GLDC: variants seen among roughly 807,000 people sequenced by gnomAD.
GLDC encodes glycine dehydrogenase (decarboxylating), mitochondrial.
GLDC carries 104 observed loss-of-function variants against 121.3 expected under a neutral mutation model. That is an observed-to-expected ratio of 0.86 (90% CI 0.73 to 1.01). The LOEUF (loss-of-function observed/expected upper bound fraction) is 1.01, where lower values mean the gene tolerates loss of function less well. GLDC is among the 50% of genes least tolerant of loss of function. GLDC has a pLI of 0.00. For synonymous variants in GLDC, 546 were observed against 480.6 expected, an observed-to-expected ratio of 1.14 and a Z score of -1.78; for missense variants, 1,429 against 1,306.6, an observed-to-expected ratio of 1.09 and a Z score of -1.44.
chr9:6,641,798 A>G (rs762219079), intron 2 of GLDC, among the ~76,000 whole-genome samples: 3 of 152,190 alleles, frequency 2.0e-5, no homozygotes, highest in Admixed American at 6.5e-5. Flanking sequence ...TTACTCTGCA[A>G]TGAAGACATT....
intron 22 of GLDC, among the ~76,000 whole-genome samples, chr9:6,539,771 C>A (rs1817217106): frequency 6.6e-6 from 1 of 152,226 alleles, no homozygotes; most frequent in African/African-American, 2.4e-5. Context: ...TCCTTTACCA[C>A]TACACTCACT....
At chr9:6,582,269 A>C (rs190567066) in intron 15 of GLDC, among the ~76,000 whole-genome samples, 5,502 of 149,534 alleles carry the variant, frequency 0.037, 149 homozygotes, top group Non-Finnish European at 0.051. Context: ...CTGTAACCCC[A>C]GCACTTTGGG....
chr9:6,581,033 C>G (rs1818161468), intron 15 of GLDC, among the ~76,000 whole-genome samples: 1 of 152,204 alleles, frequency 6.6e-6, no homozygotes, highest in Admixed American at 6.5e-5. Context: ...CTCTGCCTCT[C>G]CACCTGAGGG....
intron 7 of GLDC, among the ~76,000 whole-genome samples, chr9:6,603,732 T>C (rs1818669816): frequency 7.0e-6 from 1 of 143,870 alleles, no homozygotes. Context: ...TTTTCCTTTT[T>C]TTTCTTTTTT....
chr9:6,535,928 A>G (rs1348573476), intron 23 of GLDC, 136 bp downstream of exon 23: 5 of 801,750 alleles, frequency 6.2e-6, no homozygotes, highest in African/African-American at 1.7e-5. Context: ...TAACAACTGC[A>G]TCTTCTCAGA....
chr9:6,545,851 G>C (rs1040279326), intron 21 of GLDC, among the ~76,000 whole-genome samples: 1 of 152,022 alleles, frequency 6.6e-6, no homozygotes, highest in African/African-American at 2.4e-5. Context: ...ATGTTGGCCT[G>C]GCTGGTCTCG....
At chr9:6,616,540 CAAAT>C (rs1052049975) in intron 3 of GLDC, among the ~76,000 whole-genome samples, 1 of 152,094 alleles carries the variant, frequency 6.6e-6, no homozygotes, top group African/African-American at 2.4e-5. Context: ...TGAGAGATGA[CAAAT>C]AACCCTCATT....
chr9:6,644,023 C>G (rs1819681685), intron 2 of GLDC, among the ~76,000 whole-genome samples: 1 of 20,104 alleles, frequency 5.0e-5, no homozygotes, highest in Non-Finnish European at 6.7e-5. Flanking sequence ...GACAGAGATT[C>G]TGTCTCAAAA....
chr9:6,572,694 T>A (rs1014901216), intron 15 of GLDC, among the ~76,000 whole-genome samples: 1 of 152,176 alleles, frequency 6.6e-6, no homozygotes, highest in African/African-American at 2.4e-5. Flanking sequence ...ATGGTGAGAC[T>A]CCATTTTCTT....
At chr9:6,604,017 C>T (rs546995685) in intron 7 of GLDC, among the ~76,000 whole-genome samples, 327 of 152,024 alleles carry the variant, frequency 2.2e-3, no homozygotes, top group Non-Finnish European at 3.5e-3. Context: ...TGTGAGCCAC[C>T]GCACCCAGCC....
intron 3 of GLDC, among the ~76,000 whole-genome samples, chr9:6,613,331 C>A (rs1326743664): frequency 6.6e-6 from 1 of 152,022 alleles, no homozygotes; most frequent in Non-Finnish European, 1.5e-5. Context: ...TCTATTTATA[C>A]TAAAAGTAGT....
chr9:6,583,231 A>G lies in GLDC; in HGVS notation c.1850+3910T>C, dbSNP rs368137780. On this transcript the variant is annotated intron_variant, in intron 15 of 24. Transcript: ENST00000321612. ...CTTCTGAATATATACCAAAATAAAAACTGAAAGCAGGGACTCAACTAGATA... is the reference window on the plus strand; with the variant it reads ...CTTCTGAATATATACCAAAATAAAAGCTGAAAGCAGGGACTCAACTAGATA... Among the ~76,000 whole-genome samples the G allele has an allele frequency of 2.6e-5, 4 of 152,262 alleles. No individual in the cohort carries two copies. The East Asian group carries it at 5.8e-4, about 22-fold the overall frequency.
intron 3 of GLDC, among the ~76,000 whole-genome samples, chr9:6,611,166 A>G (rs1247194241): frequency 6.6e-6 from 1 of 152,244 alleles, no homozygotes; most frequent in African/African-American, 2.4e-5. Flanking sequence ...AAATTCCAGG[A>G]TGGAAATGTT....
At chr9:6,605,763 A>C (rs1818717576) in intron 5 of GLDC, 2 of 230,060 alleles carry the variant, frequency 8.7e-6, no homozygotes, top group African/African-American at 4.5e-5. Context: ...CTCAACTTTT[A>C]CAAAGGGAAA....
chr9:6,582,246 T>C (rs1279101758), intron 15 of GLDC, among the ~76,000 whole-genome samples: 2 of 125,288 alleles, frequency 1.6e-5, no homozygotes, highest in African/African-American at 6.1e-5. Context: ...AAGCCGGGCA[T>C]GGTGTCTCAC....
chr9:6,604,597 C>G lies in GLDC; in HGVS notation c.1049G>C (p.Gly350Ala), dbSNP rs1465066546. ...LVRMMPGRMV[G>A]VTRDATGKEV... Reference sequence around the variant, plus strand: ...ACATGAGCCCCTTTACCTTGTTACCCCCACCATTCTTCCAGGCATCATTCT... The same window carrying G: ...ACATGAGCCCCTTTACCTTGTTACCGCCACCATTCTTCCAGGCATCATTCT... The change falls in exon 7 of 25, where the codon GGG becomes GCG. Residue 350 changes from glycine to alanine, a missense_variant. Transcript: ENST00000321612. 6.2e-7 allele frequency: 1 copy of G among 1,611,884 alleles called. No homozygotes were observed.
chr9:6,613,391 C>CTT (rs1818900827), intron 3 of GLDC, among the ~76,000 whole-genome samples: 2 of 152,186 alleles, frequency 1.3e-5, no homozygotes, highest in South Asian at 2.1e-4. Context: ...CTTTGGGAGG[C>CTT]CAAGGTGGGA....
intron 2 of GLDC, among the ~76,000 whole-genome samples, chr9:6,626,872 G>A (rs1819253392): frequency 6.6e-6 from 1 of 152,174 alleles, no homozygotes; most frequent in Non-Finnish European, 1.5e-5. Context: ...AAGAGAAGAT[G>A]CCACATTAGA....
At chr9:6,592,031 A>C in intron 11 of GLDC, 112 bp downstream of exon 11, 1 of 749,878 alleles carries the variant, frequency 1.3e-6, no homozygotes, top group East Asian at 2.5e-5. Context: ...TTTTAACAAC[A>C]AGCTACCAGT....
Sources: allele counts gnomAD v4.1 joint callset (sites outside exome capture counted in the v4.1 genomes callset), GRCh38; gene constraint gnomAD v4.1.1; transcripts MANE v1.5; gene names NCBI Gene and HGNC (gene_info 2026-07-23, HGNC 2026-07-21).